Variants in GALNT13 observed in about 807,000 individuals in gnomAD.
The protein encoded by GALNT13 is polypeptide N-acetylgalactosaminyltransferase 13.
In GALNT13, 28 loss-of-function variants were observed where a neutral mutation model predicts 64.2. The ratio of observed to expected loss-of-function variants is 0.44; its 90% CI spans 0.32 to 0.60. The LOEUF is 0.60. GALNT13 is among the 20% of genes least tolerant of loss of function. The probability of loss-of-function intolerance (pLI) is 0.05; values close to 1 mark genes in which losing one functional copy is unlikely to be tolerated. For missense variants in GALNT13, 577 were observed against 669.8 expected (o/e 0.86, Z 1.53); for synonymous variants, 214 against 224.6 (o/e 0.95, Z 0.42).
intron 2 of GALNT13, among the ~76,000 whole-genome samples, chr2:153,928,008 G>A (rs1326117243): frequency 6.6e-6 from 1 of 152,046 alleles, no homozygotes; most frequent in Non-Finnish European, 1.5e-5. Context: ...TACCTCTAGA[G>A]TACCCTGTAA....
At chr2:154,153,804 G>T (rs546269122) in intron 4 of GALNT13, among the ~76,000 whole-genome samples, 49 of 152,344 alleles carry the variant, frequency 3.2e-4, no homozygotes, top group Non-Finnish European at 5.6e-4. Flanking sequence ...ATTAGGGCGG[G>T]AGTGACCCGA....
chr2:153,952,342 AG>A (rs1692253387), intron 3 of GALNT13, among the ~76,000 whole-genome samples: 1 of 152,172 alleles, frequency 6.6e-6, no homozygotes. Context: ...TCTGGGCCTC[AG>A]TTGTAATATG....
the GALNT13 span, chr2:153,478,224 G>A: frequency 9.4e-6 from 15 of 1,599,096 alleles, no homozygotes; most frequent in Admixed American, 1.9e-4. Context: ...TGCCGCGGGG[G>A]CAGAGGGCGG....
the GALNT13 span, among the ~76,000 whole-genome samples, chr2:153,401,762 T>C: frequency 6.7e-6 from 1 of 150,024 alleles, no homozygotes; most frequent in East Asian, 2.0e-4. Flanking sequence ...TGCCTTTTTT[T>C]GTTTTCCATT....
chr2:153,312,517 A>T, the GALNT13 span, among the ~76,000 whole-genome samples: 1 of 152,176 alleles, frequency 6.6e-6, no homozygotes, highest in East Asian at 1.9e-4. Flanking sequence ...TGTTTGATTC[A>T]TAGTTCCACA....
intron 7 of GALNT13, among the ~76,000 whole-genome samples, chr2:154,258,471 A>G (rs1007231436): frequency 6.2e-5 from 8 of 129,200 alleles, no homozygotes; most frequent in African/African-American, 2.3e-4. Context: ...AGAATAAACA[A>G]TTAGATGTAA....
chr2:153,849,689 A>T, the GALNT13 span, among the ~76,000 whole-genome samples: 586 of 152,264 alleles, frequency 3.8e-3, 5 homozygotes, highest in Non-Finnish European at 5.8e-3. Flanking sequence ...CCCTGAATAG[A>T]GGAGACAGAA....
At chr2:153,452,803 C>A in the GALNT13 span, among the ~76,000 whole-genome samples, 1 of 151,862 alleles carries the variant, frequency 6.6e-6, no homozygotes, top group African/African-American at 2.4e-5. Context: ...CCAAAAAAGA[C>A]CCAGAATAAG....
chr2:154,023,550 G>C (rs1241561176), intron 3 of GALNT13, among the ~76,000 whole-genome samples: 1 of 152,100 alleles, frequency 6.6e-6, no homozygotes, highest in Non-Finnish European at 1.5e-5. Flanking sequence ...TTGCTTGGTA[G>C]ATCTTCCTCC....
chr2:153,737,245 A>C, the GALNT13 span, among the ~76,000 whole-genome samples: 1 of 152,178 alleles, frequency 6.6e-6, no homozygotes, highest in South Asian at 2.1e-4. Flanking sequence ...TCAGAACCTA[A>C]GAGGTCCTTA....
At chr2:153,778,869 C>T in the GALNT13 span, among the ~76,000 whole-genome samples, 1 of 152,076 alleles carries the variant, frequency 6.6e-6, no homozygotes, top group African/African-American at 2.4e-5. Context: ...TTCTGTACTC[C>T]TCTTTGAAAG....
rs541774996 is a variant in GALNT13, at chr2:154,433,208, A to G, written c.1396-5384A>G. 4.9e-4 allele frequency among the ~76,000 whole-genome samples: 74 copies of G among 152,298 alleles called. 2 individuals are homozygous for G. In the South Asian group the frequency reaches 0.014, roughly 29 times the overall value. ...GGCTGTGGCCTGACTCACACATGATAAGGCTGGCTTGTGACAACTGAATAC... is the reference window on the plus strand; with the variant it reads ...GGCTGTGGCCTGACTCACACATGATGAGGCTGGCTTGTGACAACTGAATAC... On this transcript the variant is annotated intron_variant, in intron 11 of 12. Coordinates refer to ENST00000392825, the MANE Select transcript of GALNT13 (RefSeq NM_052917.4).
chr2:154,212,717 A>G (rs1687846028), intron 4 of GALNT13, among the ~76,000 whole-genome samples: 2 of 149,310 alleles, frequency 1.3e-5, no homozygotes, highest in Non-Finnish European at 3.0e-5. Context: ...TCTTCCCCCC[A>G]TCCTTCTTCT....
At chr2:153,868,054 C>T (rs1246991805), upstream of GALNT13, among the ~76,000 whole-genome samples, 7 of 152,114 alleles carry the variant, frequency 4.6e-5, no homozygotes, top group Non-Finnish European at 7.3e-5. Context: ...TTCATGAAGG[C>T]AGGATCTATA....
chr2:153,876,202 T>TACACACACACACACACAC (rs56256669), intron 1 of GALNT13, among the ~76,000 whole-genome samples: 3 of 148,620 alleles, frequency 2.0e-5, no homozygotes, highest in Admixed American at 6.8e-5. Flanking sequence ...CCCCCCACAC[T>TACACACACACACACACAC]ACACACACAC....
chr2:153,529,414 T>G, the GALNT13 span, among the ~76,000 whole-genome samples: 1 of 133,732 alleles, frequency 7.5e-6, no homozygotes, highest in Admixed American at 8.8e-5. Context: ...ATCAAAGACG[T>G]TATAAAAAGT....
At chr2:154,003,572 A>G (rs1419788138) in intron 3 of GALNT13, among the ~76,000 whole-genome samples, 1 of 151,460 alleles carries the variant, frequency 6.6e-6, no homozygotes, top group Non-Finnish European at 1.5e-5. Flanking sequence ...ACTCCTCTTA[A>G]TTTTCTTTTA....
the GALNT13 span, among the ~76,000 whole-genome samples, chr2:153,720,759 G>C: frequency 6.7e-6 from 1 of 148,782 alleles, no homozygotes; most frequent in Non-Finnish European, 1.5e-5. Context: ...GAAGTTTAGA[G>C]AAAAAAGAAT....
chr2:154,104,453 G>A (rs1239328278), intron 3 of GALNT13, among the ~76,000 whole-genome samples: 2 of 152,170 alleles, frequency 1.3e-5, no homozygotes, highest in Non-Finnish European at 2.9e-5. Context: ...GTTTTCAAGT[G>A]CAGTCATGCC....
Sources: allele counts gnomAD v4.1 joint callset (sites outside exome capture counted in the v4.1 genomes callset), GRCh38; gene constraint gnomAD v4.1.1; transcripts MANE v1.5; gene names NCBI Gene and HGNC (gene_info 2026-07-23, HGNC 2026-07-21).